LAMA3: variants seen among roughly 807,000 people sequenced by gnomAD.
The protein encoded by LAMA3 is laminin subunit alpha 3, also known as laminin subunit alpha-3.
A neutral mutation model predicts 402.0 loss-of-function variants in LAMA3; 281 were observed. That is an observed-to-expected ratio of 0.70 (90% confidence interval 0.63 to 0.77). The LOEUF is 0.77. LAMA3 is among the 30% of genes least tolerant of loss of function. The pLI, the probability that LAMA3 is intolerant of heterozygous loss-of-function variation, is 0.00. For missense variants in LAMA3, 3,840 were observed against 4,215.5 expected, an observed-to-expected ratio of 0.91 and a Z score of 2.47; for synonymous variants, 1,431 against 1,558.4, an observed-to-expected ratio of 0.92 and a Z score of 1.93.
rs1296968764 is a variant in LAMA3, at chr18:23,822,366, C to A, written c.2419C>A (p.Pro807Thr). Reference sequence around the variant, plus strand: ...AGTATCTGGCCATATAACTATTTATCCATCCTGGGGTAAGGCACGTAGGTA... The same window carrying A: ...AGTATCTGGCCATATAACTATTTATACATCCTGGGGTAAGGCACGTAGGTA... ...EAVSGHITIY[P>T]SWGAAQSKEI... is the part of the protein sequence containing the mutation. The change falls in exon 20 of 75, where the codon CCA (proline) becomes ACA (threonine). Residue 807 changes from proline to threonine, a missense_variant. By Grantham distance (38) the Pro-to-Thr change is conservative. Coordinates refer to ENST00000313654, the MANE Select transcript of LAMA3 (RefSeq NM_198129.4). 4.3e-6 allele frequency: 7 copies of A among 1,613,708 alleles called. No homozygotes were observed. Among genetic ancestry groups the A allele is most frequent in the Non-Finnish European group, 5.9e-6 (7 of 1,179,650 alleles).
chr18:23,820,035 G>A lies in LAMA3; in HGVS notation c.2304+38G>A, dbSNP rs45448896. 0.1 allele frequency: 163,717 copies of A among 1,607,066 alleles called. 9,477 individuals are homozygous for A. Among genetic ancestry groups the A allele is most frequent in the Non-Finnish European group, 0.12 (139,621 of 1,173,778 alleles). ...AAGAGAGCAGCTTCATGGCTGAGTAGCTCAGATACTTCCCCACACCAGTCT... is the reference window on the plus strand; with the variant it reads ...AAGAGAGCAGCTTCATGGCTGAGTAACTCAGATACTTCCCCACACCAGTCT... On this transcript the variant is annotated intron_variant, in intron 19 of 74. Transcript: ENST00000313654.
Position 23,845,067 on chromosome 18 carries a change from C to T in LAMA3, c.3662C>T (p.Ser1221Phe). The T allele has an allele frequency of 6.2e-7, 1 of 1,613,550 alleles. No homozygotes were observed. Among genetic ancestry groups the T allele is most frequent in the Non-Finnish European group, 8.5e-7 (1 of 1,179,480 alleles). The change falls in exon 30 of 75, where the codon TCC becomes TTC. Residue 1221 changes from serine (S) to phenylalanine (F), a missense_variant. By Grantham distance (155) the Ser-to-Phe change is radical. This residue lies in a region of LAMA3 where 2,109 missense variants were observed against 2,376.0 expected (regional missense o/e 0.89). Transcript: ENST00000313654. The part of the protein sequence containing the change: ...NYDYQILHKK[S>F]MDKSLEFITN... ...GACTACCAAATACTTCACAAAAAAT[C>T]CATGGACAAGTCACTCGAGTTTATC... is the stretch of plus-strand genomic sequence containing the variant.
intron 31 of LAMA3, among the ~76,000 whole-genome samples, chr18:23,846,972 T>G (rs2063829977): frequency 6.6e-6 from 1 of 152,194 alleles, no homozygotes; most frequent in Non-Finnish European, 1.5e-5. Context: ...CAGAACCATC[T>G]TGTGGTCCGA....
At position 23,836,979 on chromosome 18, in the gene LAMA3, A is replaced by G; in HGVS notation, c.2985-2A>G. 6.2e-7 allele frequency: 1 copy of G among 1,611,436 alleles called. No homozygotes were observed. The highest frequency in any genetic ancestry group is 8.5e-7 in the Non-Finnish European group (1 of 1,177,992). On this transcript the variant is annotated splice_acceptor_variant, in intron 24 of 74. Coordinates refer to ENST00000313654, the MANE Select transcript of LAMA3 (RefSeq NM_198129.4). LOFTEE classifies it high-confidence loss of function. ...CTAAGAAAACTCTGTTTTCTCTTGC[A>G]GTGTTCTCTGCCGGAGTGCTGTGAT...
At chr18:23,855,567 G>T (rs995168486) in intron 32 of LAMA3, among the ~76,000 whole-genome samples, 4 of 152,206 alleles carry the variant, frequency 2.6e-5, no homozygotes, top group African/African-American at 9.7e-5. Flanking sequence ...GAGAGCAGTT[G>T]TTATTAACCT....
intron 25 of LAMA3, chr18:23,837,354 A>G (rs1046639901): frequency 1.1e-4 from 48 of 420,538 alleles, no homozygotes; most frequent in Non-Finnish European, 1.9e-4. Context: ...TTCTACTATT[A>G]TAAAGAAAAT....
chr18:23,689,978 G>T lies in LAMA3; in HGVS notation c.294+1G>T. On this transcript the variant is annotated splice_donor_variant, in intron 1 of 74. Transcript: ENST00000313654. LOFTEE classifies it high-confidence loss of function. Reference sequence around the variant, plus strand: ...CCCAGGCAGCGGCCACACCATCCAGGTGAGGGCCTCGGAGAGAGCCGGGGT... The same window carrying T: ...CCCAGGCAGCGGCCACACCATCCAGTTGAGGGCCTCGGAGAGAGCCGGGGT... The T allele has an allele frequency of 6.8e-7, 1 of 1,470,098 alleles. No individual in the cohort carries two copies. 91.1% of individuals were successfully genotyped at this position (1,470,098 alleles called of 1,614,324 possible).
chr18:23,907,714 A>G, intron 53 of LAMA3, 42 bp from the exon 54 acceptor site: 1 of 1,613,384 alleles, frequency 6.2e-7, no homozygotes, highest in Non-Finnish European at 8.5e-7. Context: ...CTTTTGTTGA[A>G]CGTTTTAGAT....
chr18:23,890,081 A>G lies in LAMA3; in HGVS notation c.5374A>G (p.Asn1792Asp), dbSNP rs1269739756. The change falls in exon 42 of 75, where the codon AAT becomes GAT. Residue 1792 changes from asparagine to aspartate, a missense_variant. Around this residue, in one of 3 missense-constraint regions of LAMA3, gnomAD observed 2,109 missense variants for 2,376.0 expected, o/e 0.89. Coordinates refer to ENST00000313654, the MANE Select transcript of LAMA3 (RefSeq NM_198129.4). The stretch of plus-strand genomic sequence containing the variant: ...CTGCCAACCATGCAGTTGTAACAGC[A>G]ATGGCCAGCTGGGCAGCTGTCATCC... ...GSCQPCSCNS[N>D]GQLGSCHPLT... The G allele has an allele frequency of 6.2e-7, 1 of 1,614,118 alleles. No individual in the cohort carries two copies. The highest frequency in any genetic ancestry group is 1.7e-5 in the Admixed American group (1 of 60,030).
rs941825270 is a variant in LAMA3, at chr18:23,777,724, T to G, written c.1468+105T>G. 7.0e-6 allele frequency: 6 copies of G among 862,126 alleles called. No individual in the cohort carries two copies. The African/African-American group carries it at 9.9e-5, about 14-fold the overall frequency. The allele number at this position is 862,126 out of a possible 1,614,324, so 53.4% of individuals were successfully genotyped here. On this transcript the variant is annotated intron_variant, in intron 11 of 74. Coordinates refer to ENST00000313654, the MANE Select transcript of LAMA3 (RefSeq NM_198129.4). ...ACATCCAAGGCCAAGTCTCCCTTCC[T>G]AGAGCATGGTAGGTGCCTTGCAGGT...
chr18:23,917,982 C>A (rs115180474), intron 60 of LAMA3, among the ~76,000 whole-genome samples: 1,736 of 151,852 alleles, frequency 0.011, 34 homozygotes, highest in African/African-American at 0.04. Context: ...ATTTCTATGT[C>A]TAGAATAGGT....
In LAMA3 at chr18:23,928,762, A is replaced by G. The variant is rs770659332; in HGVS notation, c.8433A>G (p.Thr2811=). The G allele has an allele frequency of 1.2e-6, 2 of 1,613,584 alleles. No individual in the cohort carries two copies. The highest frequency in any genetic ancestry group is 1.7e-6 in the Non-Finnish European group (2 of 1,179,464). The change falls in exon 64 of 75, where the codon ACA becomes ACG. Residue 2811 remains threonine, a synonymous_variant. Coordinates refer to ENST00000313654, the MANE Select transcript of LAMA3 (RefSeq NM_198129.4). ...QPSGILLDHQ[T]WTRNLQVTLE... is the part of the protein sequence containing the mutation. ...GTGGCATATTATTAGATCATCAGAC[A>G]TGGGTATGCAGTAGTGCATTAATAT...
chr18:23,743,309 T>C (rs538459097), intron 2 of LAMA3, among the ~76,000 whole-genome samples: 2 of 151,724 alleles, frequency 1.3e-5, no homozygotes, highest in Admixed American at 6.6e-5. Context: ...CCCAGGGGAG[T>C]TGATTCTACT....
intron 31 of LAMA3, among the ~76,000 whole-genome samples, chr18:23,847,139 C>T (rs2063834252): frequency 6.6e-6 from 1 of 152,208 alleles, no homozygotes; most frequent in Non-Finnish European, 1.5e-5. Flanking sequence ...TGTGGAGCCA[C>T]TTCAGGGAGC....
chr18:23,789,181 G>A (rs951262449), intron 12 of LAMA3, among the ~76,000 whole-genome samples: 34 of 152,194 alleles, frequency 2.2e-4, no homozygotes, highest in African/African-American at 8.2e-4. Context: ...ACAAGCGTTG[G>A]CAAGGATGTA....
intron 12 of LAMA3, 84 bp from the exon 13 acceptor site, chr18:23,810,282 C>T: frequency 6.5e-7 from 1 of 1,533,414 alleles, no homozygotes; most frequent in Non-Finnish European, 9.0e-7. Context: ...CTGGCTCCAC[C>T]CTCATGCTCT....
At chr18:23,944,343 G>A (rs775059760) in intron 69 of LAMA3, among the ~76,000 whole-genome samples, 1 of 152,064 alleles carries the variant, frequency 6.6e-6, no homozygotes, top group Non-Finnish European at 1.5e-5. Flanking sequence ...TAGCATCTTG[G>A]CTCTTGCTTA....
At chr18:23,710,257 C>T in intron 1 of LAMA3, 1 of 572,052 alleles carries the variant, frequency 1.7e-6, no homozygotes, top group South Asian at 1.9e-5. Context: ...TTAGGAGGGA[C>T]AGGAGCTTCC....
chr18:23,782,579 A>G (rs1378063659), intron 11 of LAMA3, among the ~76,000 whole-genome samples: 1 of 152,186 alleles, frequency 6.6e-6, no homozygotes, highest in East Asian at 1.9e-4. Flanking sequence ...AAATAAAAAG[A>G]AAAAAGAAAT....
Sources: gnomAD v4.1 joint callset for allele counts (sites outside exome capture counted in the v4.1 genomes callset) on GRCh38, gnomAD v4.1.1 for gene constraint, gnomAD v4.1.1 regional missense constraint, MANE v1.5 for transcripts, NCBI Gene and HGNC (gene_info 2026-07-23, HGNC 2026-07-21) for gene names.